HDAC9: variants seen among roughly 807,000 people sequenced by gnomAD.
HDAC9 encodes the protein histone deacetylase 9, also known as MEF-2 interacting transcription repressor (MITR) protein.
Under a neutral mutation model 139.4 loss-of-function variants are expected in HDAC9, and 41 were observed. The observed-to-expected ratio is 0.29, with a 90% confidence interval of 0.23 to 0.38. The LOEUF is 0.38. Among genes scored for constraint, HDAC9 ranks in the 10% least tolerant of loss-of-function variants. HDAC9 has a pLI of 1.00. For synonymous variants in HDAC9, 517 were observed against 476.2 expected (o/e 1.09, Z -1.12); for missense variants, 1,147 against 1,297.0 (o/e 0.88, Z 1.78).
chr7:18,194,280 G>A (rs1316700019), intron 2 of HDAC9, among the ~76,000 whole-genome samples: 1 of 152,044 alleles, frequency 6.6e-6, no homozygotes, highest in African/African-American at 2.4e-5. Flanking sequence ...TTCTTCCCAT[G>A]TTTGGAATTT....
At chr7:18,670,443 G>T (rs1285680471) in intron 12 of HDAC9, among the ~76,000 whole-genome samples, 2 of 152,008 alleles carry the variant, frequency 1.3e-5, no homozygotes, top group Non-Finnish European at 2.9e-5. Context: ...ACTGTGTTTA[G>T]GCAATGCAAC....
intron 1 of HDAC9, among the ~76,000 whole-genome samples, chr7:18,316,050 C>T (rs1424623559): frequency 6.6e-6 from 1 of 152,184 alleles, no homozygotes; most frequent in Non-Finnish European, 1.5e-5. Context: ...CATCTATAAG[C>T]ACCCTAGCTG....
At chr7:18,496,201 A>G in intron 1 of HDAC9, 61 bp from the exon 2 acceptor site, 1 of 1,562,872 alleles carries the variant, frequency 6.4e-7, no homozygotes, top group East Asian at 2.2e-5. Flanking sequence ...ATGTAGCTGA[A>G]GTAAGAGTGA....
intron 25 of HDAC9, among the ~76,000 whole-genome samples, chr7:18,982,237 C>T (rs1785001972): frequency 6.6e-6 from 1 of 152,116 alleles, no homozygotes; most frequent in South Asian, 2.1e-4. Context: ...GTTTTCATAT[C>T]CAGTTTTACC....
chr7:18,374,605 G>A (rs962308277), intron 1 of HDAC9, among the ~76,000 whole-genome samples: 1 of 151,832 alleles, frequency 6.6e-6, no homozygotes, highest in Non-Finnish European at 1.5e-5. Context: ...AACATCACTA[G>A]GTTATAGGAA....
intron 1 of HDAC9, among the ~76,000 whole-genome samples, chr7:18,372,218 C>A (rs1784647560): frequency 6.6e-6 from 1 of 152,156 alleles, no homozygotes; most frequent in Non-Finnish European, 1.5e-5. Context: ...CTGAGCTAGG[C>A]AGATTGAACA....
At chr7:18,407,582 TCA>T in intron 1 of HDAC9, among the ~76,000 whole-genome samples, 1 of 152,320 alleles carries the variant, frequency 6.6e-6, no homozygotes, top group East Asian at 1.9e-4. Flanking sequence ...ATCCCATTGT[TCA>T]CACAGTCTCT....
intron 25 of HDAC9, among the ~76,000 whole-genome samples, chr7:18,992,051 C>A (rs528616978): frequency 6.6e-6 from 1 of 152,348 alleles, no homozygotes; most frequent in Admixed American, 6.5e-5. Flanking sequence ...TAGAGCCTCA[C>A]TGCTTTGGGA....
At chr7:18,269,838 G>T (rs146545825) in intron 2 of HDAC9, among the ~76,000 whole-genome samples, 1 of 152,094 alleles carries the variant, frequency 6.6e-6, no homozygotes, top group East Asian at 1.9e-4. Flanking sequence ...ATATGTAGTT[G>T]CATGGTGATT....
At chr7:18,411,703 G>A (rs981127141) in intron 1 of HDAC9, among the ~76,000 whole-genome samples, 2 of 151,120 alleles carry the variant, frequency 1.3e-5, no homozygotes, top group Non-Finnish European at 2.9e-5. Context: ...CTTTGTGTTA[G>A]ATGATTTTGC....
chr7:18,133,676 T>C (rs1201431809), intron 1 of HDAC9, among the ~76,000 whole-genome samples: 1 of 152,114 alleles, frequency 6.6e-6, no homozygotes. Context: ...TGTTTTGCAT[T>C]TAAAATGGCA....
chr7:18,533,980 G>GAGGAA (rs1809950724), intron 2 of HDAC9, among the ~76,000 whole-genome samples: 2 of 151,932 alleles, frequency 1.3e-5, no homozygotes, highest in Admixed American at 1.3e-4. Context: ...TTTTAATGTA[G>GAGGAA]TAGGTAACTT....
At chr7:18,321,070 T>C (rs944404243) in intron 1 of HDAC9, among the ~76,000 whole-genome samples, 1 of 152,158 alleles carries the variant, frequency 6.6e-6, no homozygotes, top group African/African-American at 2.4e-5. Context: ...ACCAAATAGG[T>C]TCCTCTATCC....
intron 1 of HDAC9, among the ~76,000 whole-genome samples, chr7:18,387,704 G>A (rs576582764): frequency 2.0e-5 from 3 of 152,136 alleles, no homozygotes; most frequent in Non-Finnish European, 4.4e-5. Flanking sequence ...TTTTATTTCA[G>A]TGGCAAAATA....
At chr7:18,205,782 C>G (rs1311058658) in intron 2 of HDAC9, among the ~76,000 whole-genome samples, 1 of 152,060 alleles carries the variant, frequency 6.6e-6, no homozygotes, top group East Asian at 1.9e-4. Flanking sequence ...TCATGTTAAA[C>G]ATACGCATCT....
At chr7:18,424,843 C>A (rs1789962292) in intron 1 of HDAC9, among the ~76,000 whole-genome samples, 1 of 152,104 alleles carries the variant, frequency 6.6e-6, no homozygotes, top group Non-Finnish European at 1.5e-5. Context: ...GTGGAGTTTG[C>A]AGTGAGCCAA....
At chr7:18,577,703 T>TAAA (rs112915474) in intron 2 of HDAC9, among the ~76,000 whole-genome samples, 1,661 of 152,188 alleles carry the variant, frequency 0.011, 31 homozygotes, top group African/African-American at 0.038. Context: ...TGAATTAAGT[T>TAAA]GATAAAGAAG....
intron 1 of HDAC9, among the ~76,000 whole-genome samples, chr7:18,463,720 T>C (rs1228789023): frequency 2.0e-5 from 3 of 151,926 alleles, no homozygotes; most frequent in Non-Finnish European, 4.4e-5. Context: ...CCTTTATATA[T>C]TGAAAACTGT....
At chr7:18,797,211 T>G (rs1046214299) in intron 17 of HDAC9, among the ~76,000 whole-genome samples, 6 of 152,180 alleles carry the variant, frequency 3.9e-5, no homozygotes, top group Non-Finnish European at 8.8e-5. Context: ...ATAAAATATG[T>G]AAATCTGATA....
Sources: gnomAD v4.1 joint callset for allele counts (sites outside exome capture counted in the v4.1 genomes callset) on GRCh38, gnomAD v4.1.1 for gene constraint, MANE v1.5 for transcripts, NCBI Gene and HGNC (gene_info 2026-07-23, HGNC 2026-07-21) for gene names.